KANSL3: variants seen among roughly 807,000 people sequenced by gnomAD.
The protein encoded by KANSL3 is NSL complex protein NSL3.
KANSL3 carries 16 observed loss-of-function variants against 89.2 expected under a neutral mutation model. The ratio of observed to expected loss-of-function variants is 0.18; its 90% confidence interval spans 0.12 to 0.27. The LOEUF is 0.27. KANSL3 is among the 10% of genes least tolerant of loss of function. The pLI is 1.00. For synonymous variants in KANSL3, 385 were observed against 419.7 expected, an observed-to-expected ratio of 0.92 and a Z score of 1.01; for missense variants, 879 against 1,110.6, an observed-to-expected ratio of 0.79 and a Z score of 2.96.
chr2:96,610,401 C>T (rs1020821150), intron 11 of KANSL3: 26 of 175,724 alleles, frequency 1.5e-4, no homozygotes, highest in African/African-American at 5.9e-4. Context: ...CTGCAAGCTC[C>T]GCCTTCTGGG....
chr2:96,609,622 A>G, intron 11 of KANSL3, 60 bp from the exon 12 acceptor site: 1 of 1,421,538 alleles, frequency 7.0e-7, no homozygotes, highest in Middle Eastern at 1.8e-4. Context: ...TCCTATGAAA[A>G]TAAGAACGTA....
chr2:96,601,698 G>A lies in KANSL3; in HGVS notation c.2561C>T (p.Ser854Leu). 6.2e-7 allele frequency: 1 copy of A among 1,613,282 alleles called. No individual in the cohort carries two copies. The highest frequency in any genetic ancestry group is 8.5e-7 in the Non-Finnish European group (1 of 1,179,578). Residue 854 changes from serine to leucine, a missense_variant, in exon 20 of 21, where the codon TCA becomes TTA. This residue lies in a region of KANSL3 where 61 missense variants were observed against 61.7 expected (regional missense o/e 0.99). Coordinates refer to ENST00000431828, the MANE Select transcript of KANSL3 (RefSeq NM_001115016.3). Reference protein sequence around the residue: ...SRITTLSPMGSGAAPSEESSS... With the variant: ...SRITTLSPMGLGAAPSEESSS... ...GGACTCCTCGGATGGGGCTGCTCCT[G>A]AGCCCATAGGGCTCAGTGTAGTGAT...
At chr2:96,627,801 G>A in intron 3 of KANSL3, 1 of 677,832 alleles carries the variant, frequency 1.5e-6, no homozygotes, top group Non-Finnish European at 2.3e-6. Context: ...AGAGCAGAAG[G>A]AACTGCAAGC....
At chr2:96,604,146 C>A in intron 17 of KANSL3, 104 bp downstream of exon 17, 2 of 1,317,514 alleles carry the variant, frequency 1.5e-6, no homozygotes, top group East Asian at 2.5e-5. Context: ...GACCCAGAGG[C>A]CCATCCTATG....
chr2:96,632,879 C>T (rs2073645935), intron 2 of KANSL3, among the ~76,000 whole-genome samples: 1 of 148,424 alleles, frequency 6.7e-6, no homozygotes, highest in South Asian at 2.1e-4. Flanking sequence ...GGAAGGAGAA[C>T]GGTGTGAACC....
At chr2:96,612,608 A>G (rs751550356) in intron 7 of KANSL3, 45 bp from the exon 8 acceptor site, 5 of 1,512,734 alleles carry the variant, frequency 3.3e-6, no homozygotes, top group Non-Finnish European at 4.6e-6. Context: ...GTAAGTTTCA[A>G]ATCTTTCAAT....
chr2:96,583,947 AT>A, the KANSL3 span, among the ~76,000 whole-genome samples: 1 of 152,114 alleles, frequency 6.6e-6, no homozygotes, highest in Non-Finnish European at 1.5e-5. Context: ...TTAATATTGC[AT>A]TTTACTCATG....
chr2:96,607,396 A>G (rs1436276711), intron 14 of KANSL3, among the ~76,000 whole-genome samples: 2 of 151,976 alleles, frequency 1.3e-5, no homozygotes, highest in African/African-American at 2.4e-5. Flanking sequence ...CCCCCATGAC[A>G]CCCTAGATCC....
chr2:96,636,002 A>G (rs1162626473), intron 2 of KANSL3, among the ~76,000 whole-genome samples: 13 of 152,160 alleles, frequency 8.5e-5, no homozygotes, highest in Admixed American at 8.5e-4. Context: ...TCAAAAAAAA[A>G]AAAAACCACA....
At position 96,612,879 on chromosome 2, in the gene KANSL3, G is replaced by A. The variant is rs1355037617; in HGVS notation, c.851C>T (p.Ser284Phe). The change falls in exon 7 of 21, where the codon TCT (serine) becomes TTT (phenylalanine). Residue 284 changes from serine to phenylalanine, a missense_variant. Around this residue, in one of 6 missense-constraint regions of KANSL3, gnomAD observed 198 missense variants for 260.3 expected, o/e 0.76. Transcript: ENST00000431828. ...GTGGCGGCGTGAAGTGGGAAACACAGAGCTGGAGGGACCAGAGGAGGCGAT... is the reference window on the plus strand; with the variant it reads ...GTGGCGGCGTGAAGTGGGAAACACAAAGCTGGAGGGACCAGAGGAGGCGAT... ...ILIASSGPSSSVFPTSRRHRF... is the reference protein window; with the variant it reads ...ILIASSGPSSFVFPTSRRHRF... The A allele has an allele frequency of 9.5e-6, 15 of 1,572,246 alleles. No individual in the cohort carries two copies. The highest frequency in any genetic ancestry group is 1.1e-5 in the Non-Finnish European group (13 of 1,159,004).
chr2:96,593,288 G>C lies in KANSL3; in HGVS notation c.*2323C>G, dbSNP rs2066337151. 1 of 455,944 alleles carries C rather than the reference G, an allele frequency of 2.2e-6. No individual in the cohort carries two copies. Among genetic ancestry groups the C allele is most frequent in the South Asian group, 1.5e-5 (1 of 64,562 alleles). 28.2% of individuals were successfully genotyped at this position (455,944 alleles called of 1,614,324 possible). On this transcript the variant is annotated 3_prime_UTR_variant, in exon 21 of 21. Transcript: ENST00000431828. ...CTAGTGGTGAAACCAAGAGTAGACA[G>C]GTCTTCCTACCTCAGTGACCTCAAA... is the stretch of plus-strand genomic sequence containing the variant.
chr2:96,600,768 C>T (rs1317895647), intron 20 of KANSL3: 11 of 985,274 alleles, frequency 1.1e-5, no homozygotes, highest in African/African-American at 7.0e-5. Context: ...ATTAGATCAG[C>T]TAAGAGAAAC....
At chr2:96,628,708 A>C (rs1326260249) in intron 3 of KANSL3, 1 of 152,280 alleles carries the variant, frequency 6.6e-6, no homozygotes, top group Non-Finnish European at 1.5e-5. Flanking sequence ...TAAGTCTCTA[A>C]TGACTTTGAT....
At chr2:96,614,922 T>C (rs555850141) in intron 5 of KANSL3, 28 of 151,508 alleles carry the variant, frequency 1.8e-4, no homozygotes, top group Non-Finnish European at 3.5e-4. Context: ...ACATGTACCC[T>C]AAAACTTAAA....
intron 20 of KANSL3, chr2:96,600,612 G>T (rs1437881882): frequency 3.0e-6 from 3 of 985,276 alleles, no homozygotes; most frequent in Non-Finnish European, 3.6e-6. Context: ...ACACAGGAAG[G>T]CCTTGGCTGT....
At chr2:96,603,928 A>G in intron 17 of KANSL3, 1 of 195,386 alleles carries the variant, frequency 5.1e-6, no homozygotes, top group Non-Finnish European at 1.0e-5. Context: ...AGGGTCCTAG[A>G]ACCAATCTCC....
At chr2:96,590,642 T>G (rs902578061), downstream of KANSL3, among the ~76,000 whole-genome samples, 2 of 151,400 alleles carry the variant, frequency 1.3e-5, no homozygotes, top group South Asian at 4.2e-4. Flanking sequence ...ATCACACTCC[T>G]GGTTATTTAC....
chr2:96,580,879 C>G, the KANSL3 span, among the ~76,000 whole-genome samples: 3 of 152,334 alleles, frequency 2.0e-5, no homozygotes, highest in East Asian at 5.8e-4. Flanking sequence ...GATAACTGCA[C>G]TCCCTGAGTG....
chr2:96,610,674 A>C (rs1158190019), intron 11 of KANSL3, 52 bp downstream of exon 11: 2 of 1,593,808 alleles, frequency 1.3e-6, no homozygotes, highest in Non-Finnish European at 1.7e-6. Context: ...TTCCAGGCTT[A>C]TCTCTAACAC....
Sources: gnomAD v4.1 joint callset for allele counts (sites outside exome capture counted in the v4.1 genomes callset) on GRCh38, gnomAD v4.1.1 for gene constraint, gnomAD v4.1.1 regional missense constraint, MANE v1.5 for transcripts, NCBI Gene and HGNC (gene_info 2026-07-23, HGNC 2026-07-21) for gene names.